Variants in LIPN observed in about 807,000 individuals in gnomAD.
LIPN encodes lipase family member N, also known as lipase member N.
LIPN carries 32 observed loss-of-function variants against 43.7 expected under a neutral mutation model. The observed-to-expected ratio is 0.73, with a 90% CI of 0.55 to 0.98. LIPN has a LOEUF of 0.98. LIPN is among the 50% of genes least tolerant of loss of function. LIPN has a pLI of 0.00. For missense variants in LIPN, 505 were observed against 483.8 expected (o/e 1.04, Z -0.41); for synonymous variants, 156 against 157.6 (o/e 0.99, Z 0.08).
In LIPN at chr10:88,767,644, C is replaced by CAAAAAAAAAA. The variant is rs61646268; in HGVS notation, c.536-1109_536-1100dup. Among the ~76,000 whole-genome samples, 12 of 61,520 alleles carry CAAAAAAAAAA rather than the reference C, an allele frequency of 2.0e-4. 2 individuals are homozygous for CAAAAAAAAAA. The highest frequency in any genetic ancestry group is 3.0e-4 in the Non-Finnish European group (10 of 33,216). The allele number at this position is 61,520 out of a possible 152,430, so 40.4% of individuals were successfully genotyped here. A position where few individuals can be genotyped will look rare whatever the true frequency, so the allele number is the denominator to read the frequency against. The stretch of plus-strand genomic sequence containing the variant: ...TAGATATGCTCTTATACTTGATCTG[C>CAAAAAAAAAA]AAAAAAAAAAAAAAAAAAAAAAAAA... On this transcript the variant is annotated intron_variant, in intron 5 of 9. Transcript: ENST00000404459.
intron 3 of LIPN, among the ~76,000 whole-genome samples, chr10:88,763,295 A>G (rs192206918): frequency 3.3e-5 from 5 of 152,206 alleles, no homozygotes; most frequent in Admixed American, 2.6e-4. Flanking sequence ...AATTTTGTAG[A>G]GCATCCTGGA....
intron 5 of LIPN, among the ~76,000 whole-genome samples, chr10:88,767,801 C>T (rs758818745): frequency 2.8e-4 from 43 of 151,372 alleles, no homozygotes; most frequent in Non-Finnish European, 5.9e-4. Flanking sequence ...GTAAGGAGCA[C>T]CCACTCTTTG....
Position 88,778,641 on chromosome 10 carries a change from G to A in LIPN, c.*399G>A, listed in dbSNP as rs182427087. On this transcript the variant is annotated 3_prime_UTR_variant, in exon 10 of 10. Coordinates refer to ENST00000404459, the MANE Select transcript of LIPN (RefSeq NM_001102469.2). ...ATATGGATTGCTATGGCAATGGACA[G>A]AGTGTGGGATTAGGAGGAGGGCCTG... Among the ~76,000 whole-genome samples, 23 of 152,300 alleles carry A rather than the reference G, an allele frequency of 1.5e-4. No homozygotes were observed. The highest frequency in any genetic ancestry group is 5.5e-4 in the African/African-American group (23 of 41,582).
At chr10:88,758,902 T>TTAA (rs910755008), upstream of LIPN, among the ~76,000 whole-genome samples, 1 of 152,120 alleles carries the variant, frequency 6.6e-6, no homozygotes, top group Admixed American at 6.6e-5. Context: ...CAAATCAATA[T>TTAA]TAATAATAAT....
At chr10:88,773,284 G>A (rs1464977350) in intron 7 of LIPN, among the ~76,000 whole-genome samples, 2 of 151,864 alleles carry the variant, frequency 1.3e-5, no homozygotes, top group Non-Finnish European at 2.9e-5. Flanking sequence ...TGAAATTTAG[G>A]AGAATGGATG....
chr10:88,770,895 A>T lies in LIPN; in HGVS notation c.723A>T (p.Ile241=), dbSNP rs760498714. Residue 241 remains isoleucine (I), a synonymous_variant, in exon 7 of 10, where the codon ATA becomes ATT. Coordinates refer to ENST00000404459, the MANE Select transcript of LIPN (RefSeq NM_001102469.2). ...TTTTAGAAGATAAGAAAACGAAGAT[A>T]GCTTCTACCAAAATCTGCAACAATA... ...GFFLEDKKTK[I]ASTKICNNKI... 7 of 1,544,082 alleles carry T rather than the reference A, an allele frequency of 4.5e-6. No individual in the cohort carries two copies. In the Admixed American group the frequency reaches 1.2e-4, roughly 26 times the overall value.
intron 7 of LIPN, among the ~76,000 whole-genome samples, chr10:88,771,747 T>TC (rs1271961906): frequency 6.6e-6 from 1 of 151,220 alleles, no homozygotes; most frequent in East Asian, 1.9e-4. Flanking sequence ...TGATTTCCTT[T>TC]TTTTTTTTTT....
At chr10:88,765,669 A>T (rs1171345015) in intron 4 of LIPN, among the ~76,000 whole-genome samples, 1 of 151,888 alleles carries the variant, frequency 6.6e-6, no homozygotes, top group Admixed American at 6.6e-5. Context: ...ATATCTATAT[A>T]TCCATGTGGA....
Position 88,774,808 on chromosome 10 carries a change from G to A in LIPN, c.891+264G>A, listed in dbSNP as rs1339780. ...TGAACTGAAGCAAGAGGTAAACTAG[G>A]GAAGCCTCAGGAGAACTGAGACTTC... On this transcript the variant is annotated intron_variant, in intron 8 of 9. Coordinates refer to ENST00000404459, the MANE Select transcript of LIPN (RefSeq NM_001102469.2). 8.5e-3 allele frequency among the ~76,000 whole-genome samples: 1,289 copies of A among 152,032 alleles called. 49 individuals carry two copies. The highest frequency in any genetic ancestry group is 0.071 in the East Asian group (368 of 5,152).
At chr10:88,771,106 A>C in intron 7 of LIPN, 115 bp downstream of exon 7, 1 of 893,908 alleles carries the variant, frequency 1.1e-6, no homozygotes, top group Non-Finnish European at 1.6e-6. Context: ...AAACCCTTAA[A>C]GACAGATTTT....
chr10:88,768,344 AAACCTGTTAGAAT>A (rs1843146159), intron 5 of LIPN, among the ~76,000 whole-genome samples: 1 of 151,914 alleles, frequency 6.6e-6, no homozygotes, highest in South Asian at 2.1e-4. Flanking sequence ...GTGAGAAAGA[AAACCTGTTAGAAT>A]AACTGGGTGA....
At chr10:88,773,574 G>A (rs184879926) in intron 7 of LIPN, among the ~76,000 whole-genome samples, 1 of 151,830 alleles carries the variant, frequency 6.6e-6, no homozygotes, top group East Asian at 1.9e-4. Flanking sequence ...TTCATTTTCT[G>A]TTATTGAGAA....
intron 6 of LIPN, 142 bp downstream of exon 6, chr10:88,769,070 A>AT (rs1197563050): frequency 1.3e-6 from 1 of 787,258 alleles, no homozygotes; most frequent in African/African-American, 1.8e-5. Flanking sequence ...GTGCTTGTGT[A>AT]TGTGTGTCCC....
intron 5 of LIPN, among the ~76,000 whole-genome samples, chr10:88,767,736 CA>C (rs1300696264): frequency 7.9e-6 from 1 of 127,046 alleles, no homozygotes; most frequent in Non-Finnish European, 1.6e-5. Context: ...TCATTTAGGA[CA>C]TAAATATTTT....
upstream of LIPN, among the ~76,000 whole-genome samples, chr10:88,757,694 T>C (rs1842943776): frequency 6.6e-6 from 1 of 152,164 alleles, no homozygotes; most frequent in Admixed American, 6.6e-5. Context: ...CACTGTTTCT[T>C]GTAGTAATTA....
chr10:88,761,779 T>TATG (rs1843005163), intron 2 of LIPN, among the ~76,000 whole-genome samples: 1 of 145,226 alleles, frequency 6.9e-6, no homozygotes, highest in African/African-American at 2.6e-5. Flanking sequence ...ATCTATCTAT[T>TATG]TATCTATCTA....
Position 88,766,004 on chromosome 10 carries a change from G to A in LIPN, c.426-265G>A, listed in dbSNP as rs199650767. ...GGGAGGGCAAAGAAAAGCAAGAGAAGGGAAGGAAGAGGAGGGATCATAAGG... is the reference window on the plus strand; with the variant it reads ...GGGAGGGCAAAGAAAAGCAAGAGAAAGGAAGGAAGAGGAGGGATCATAAGG... On this transcript the variant is annotated intron_variant, in intron 4 of 9. Transcript: ENST00000404459. 8.6e-5 allele frequency among the ~76,000 whole-genome samples: 13 copies of A among 151,922 alleles called. No homozygotes were observed. In the East Asian group the frequency reaches 2.5e-3, roughly 30 times the overall value.
intron 2 of LIPN, among the ~76,000 whole-genome samples, chr10:88,761,714 T>C (rs1423804687): frequency 6.7e-6 from 1 of 149,762 alleles, no homozygotes; most frequent in East Asian, 2.0e-4. Flanking sequence ...AATTGTGCTA[T>C]TGTGCTATCT....
chr10:88,766,803 G>C (rs948604087), intron 5 of LIPN, among the ~76,000 whole-genome samples: 3 of 151,986 alleles, frequency 2.0e-5, no homozygotes, highest in East Asian at 1.9e-4. Flanking sequence ...TAAAAGGGAA[G>C]GGCTTATACC....
Sources: gnomAD v4.1 joint callset for allele counts (sites outside exome capture counted in the v4.1 genomes callset) on GRCh38, gnomAD v4.1.1 for gene constraint, MANE v1.5 for transcripts, NCBI Gene and HGNC (gene_info 2026-07-23, HGNC 2026-07-21) for gene names.